POLR3B: variants seen among roughly 807,000 people sequenced by gnomAD.
POLR3B encodes the protein RNA polymerase III subunit B.
Under a neutral mutation model 147.4 loss-of-function variants are expected in POLR3B, and 96 were observed. That is an observed-to-expected ratio of 0.65 (90% CI 0.55 to 0.77). POLR3B has a LOEUF of 0.77. Ranked by LOEUF, POLR3B falls within the 30% of genes least tolerant of loss-of-function variation. POLR3B has a pLI of 0.00. For missense variants in POLR3B, 1,036 were observed against 1,413.5 expected, an observed-to-expected ratio of 0.73 and a Z score of 4.28; for synonymous variants, 461 against 485.9, an observed-to-expected ratio of 0.95 and a Z score of 0.67.
At chr12:106,491,716 A>G (rs2038409986) in intron 23 of POLR3B, among the ~76,000 whole-genome samples, 1 of 152,218 alleles carries the variant, frequency 6.6e-6, no homozygotes, top group Non-Finnish European at 1.5e-5. Flanking sequence ...TGTATGCAAT[A>G]TATTTACGAA....
intron 9 of POLR3B, among the ~76,000 whole-genome samples, chr12:106,391,220 C>T (rs1211640827): frequency 2.0e-5 from 3 of 152,188 alleles, no homozygotes; most frequent in Non-Finnish European, 2.9e-5. Context: ...CACCACCGGA[C>T]CTTGCCACAG....
chr12:106,386,294 A>T (rs1482976572), intron 9 of POLR3B, among the ~76,000 whole-genome samples: 1 of 151,104 alleles, frequency 6.6e-6, no homozygotes, highest in Non-Finnish European at 1.5e-5. Context: ...AGTGAGGCGA[A>T]ATCGCACCAC....
At chr12:106,388,331 T>G (rs185685892) in intron 9 of POLR3B, among the ~76,000 whole-genome samples, 3 of 152,128 alleles carry the variant, frequency 2.0e-5, no homozygotes, top group Admixed American at 2.0e-4. Flanking sequence ...TATCTTTTTT[T>G]TTTTTGAGAT....
chr12:106,481,110 C>A (rs1565910570), intron 23 of POLR3B, among the ~76,000 whole-genome samples: 1 of 152,146 alleles, frequency 6.6e-6, no homozygotes, highest in Non-Finnish European at 1.5e-5. Flanking sequence ...ATAGCTGGAG[C>A]AGAGTGAGAA....
intron 13 of POLR3B, among the ~76,000 whole-genome samples, chr12:106,429,138 G>A (rs966372497): frequency 3.9e-5 from 6 of 152,158 alleles, no homozygotes; most frequent in African/African-American, 1.4e-4. Flanking sequence ...AGAATTGTGA[G>A]CAAATCTTAT....
intron 1 of POLR3B, among the ~76,000 whole-genome samples, chr12:106,361,459 C>T (rs2036469057): frequency 1.3e-5 from 2 of 152,154 alleles, no homozygotes; most frequent in South Asian, 2.1e-4. Context: ...GCCTCTGAGG[C>T]TGTAAGGTAT....
At chr12:106,450,910 A>G (rs867508463) in intron 19 of POLR3B, among the ~76,000 whole-genome samples, 1 of 152,216 alleles carries the variant, frequency 6.6e-6, no homozygotes, top group Non-Finnish European at 1.5e-5. Context: ...TAGCAGTTTT[A>G]TTCACAGTAG....
chr12:106,366,124 G>GT (rs1423591832), intron 2 of POLR3B, among the ~76,000 whole-genome samples: 1 of 152,172 alleles, frequency 6.6e-6, no homozygotes, highest in Non-Finnish European at 1.5e-5. Flanking sequence ...AAATCAAGTT[G>GT]TAAGTCATTA....
At chr12:106,496,982 G>A in intron 25 of POLR3B, 64 bp downstream of exon 25, 1 of 1,496,820 alleles carries the variant, frequency 6.7e-7, no homozygotes, top group Non-Finnish European at 9.3e-7. Context: ...GGGAGACAAA[G>A]CCTTAAGGTA....
intron 11 of POLR3B, among the ~76,000 whole-genome samples, chr12:106,409,839 C>G (rs528460480): frequency 2.0e-5 from 3 of 152,200 alleles, no homozygotes; most frequent in African/African-American, 7.2e-5. Flanking sequence ...TTGGAATTGG[C>G]AGAAGCTCAG....
At position 106,369,617 on chromosome 12, in the gene POLR3B, T is replaced by C; in HGVS notation, c.338T>C (p.Ile113Thr). The C allele has an allele frequency of 6.2e-7, 1 of 1,612,952 alleles. No individual in the cohort carries two copies. Among genetic ancestry groups the C allele is most frequent in the Non-Finnish European group, 8.5e-7 (1 of 1,178,958 alleles). Residue 113 changes from isoleucine to threonine, a missense_variant, in exon 6 of 28, where the codon ATT becomes ACT. Physicochemically the swap from Ile to Thr is moderately conservative, Grantham distance 89 (BLOSUM62 -1). Around this residue, in one of 12 missense-constraint regions of POLR3B, gnomAD observed 150 missense variants for 145.5 expected, o/e 1.03. Transcript: ENST00000228347. ...AGAGACATGACATACTCTGCCCCTA[T>C]TACAGTGGATATTGAATATACCCGA... ...RLRDMTYSAP[I>T]TVDIEYTRGS...
chr12:106,462,435 A>G (rs886584529), intron 22 of POLR3B, among the ~76,000 whole-genome samples: 2 of 152,000 alleles, frequency 1.3e-5, no homozygotes, highest in East Asian at 1.9e-4. Flanking sequence ...TTTAGTAGAG[A>G]TGGGTTTCAC....
rs112520775 is a variant in POLR3B, at chr12:106,446,945, C to T, written c.2083+2355C>T. ...AAGGTCAGCAGAGGGAGAAAACCCA[C>T]AGCAGATACCCAGGTCTGTAATGCA... On this transcript the variant is annotated intron_variant, in intron 19 of 27. Coordinates refer to ENST00000228347, the MANE Select transcript of POLR3B (RefSeq NM_018082.6). 1.6e-4 allele frequency among the ~76,000 whole-genome samples: 24 copies of T among 152,308 alleles called. 1 individual carries two copies. The highest frequency in any genetic ancestry group is 5.5e-4 in the African/African-American group (23 of 41,566).
chr12:106,474,826 C>T (rs1220108882), intron 23 of POLR3B, among the ~76,000 whole-genome samples: 2 of 151,872 alleles, frequency 1.3e-5, no homozygotes, highest in African/African-American at 4.8e-5. Flanking sequence ...GCTCCTGGAT[C>T]CATTGATTTT....
chr12:106,450,660 C>T (rs565614586), intron 19 of POLR3B, among the ~76,000 whole-genome samples: 1 of 152,244 alleles, frequency 6.6e-6, no homozygotes, highest in African/African-American at 2.4e-5. Flanking sequence ...CTACTACACA[C>T]TCAGAATGAT....
At chr12:106,382,762 A>C (rs115602167) in intron 9 of POLR3B, among the ~76,000 whole-genome samples, 2,378 of 152,284 alleles carry the variant, frequency 0.016, 58 homozygotes, top group African/African-American at 0.054. Context: ...TGCAGAGTAG[A>C]TATAGCATAA....
intron 23 of POLR3B, among the ~76,000 whole-genome samples, chr12:106,468,663 A>G (rs1259845476): frequency 6.6e-6 from 1 of 152,164 alleles, no homozygotes; most frequent in Non-Finnish European, 1.5e-5. Context: ...CATTGGTTTC[A>G]AAGAACATCT....
At chr12:106,452,881 C>T (rs576833162) in intron 19 of POLR3B, among the ~76,000 whole-genome samples, 83 of 152,238 alleles carry the variant, frequency 5.5e-4, no homozygotes, top group African/African-American at 1.9e-3. Context: ...TAGAATTCTT[C>T]AATTTAATTT....
rs373816373 is a variant in POLR3B, at chr12:106,405,991, G to A, written c.966+15G>A. The A allele has an allele frequency of 1.4e-5, 23 of 1,612,596 alleles. No individual in the cohort carries two copies. The Middle Eastern group carries it at 5.0e-4, about 35-fold the overall frequency. ...CCCATGTCCCAGTGAGTAACACTTC[G>A]TTATTGTGAATAAGGACTGTGGGGT... is the stretch of plus-strand genomic sequence containing the variant. On this transcript the variant is annotated intron_variant, in intron 11 of 27. Transcript: ENST00000228347.
Sources: gnomAD v4.1 joint callset for allele counts (sites outside exome capture counted in the v4.1 genomes callset) on GRCh38, gnomAD v4.1.1 for gene constraint, gnomAD v4.1.1 regional missense constraint, MANE v1.5 for transcripts, NCBI Gene and HGNC (gene_info 2026-07-23, HGNC 2026-07-21) for gene names.